Variants in ENTREP2 observed in about 807,000 individuals in gnomAD.
ENTREP2 encodes the protein protein ENTREP2.
chr15:29,498,992 G>T, the ENTREP2 span, among the ~76,000 whole-genome samples: 48 of 152,096 alleles, frequency 3.2e-4, 1 homozygote, highest in African/African-American at 1.1e-3. Context: ...GTTTCCATTT[G>T]CAAGAAGTAT....
At chr15:29,167,053 TAACATA>T in the ENTREP2 span, among the ~76,000 whole-genome samples, 3 of 151,926 alleles carry the variant, frequency 2.0e-5, no homozygotes, top group Non-Finnish European at 2.9e-5. Flanking sequence ...AAGCAAACAT[TAACATA>T]AAGTGGGGAA....
At chr15:29,321,389 C>T in the ENTREP2 span, among the ~76,000 whole-genome samples, 3 of 152,104 alleles carry the variant, frequency 2.0e-5, no homozygotes, top group Non-Finnish European at 4.4e-5. Flanking sequence ...GTGGCTCATG[C>T]CTGTAATCCC....
At chr15:29,475,270 G>T in the ENTREP2 span, among the ~76,000 whole-genome samples, 1 of 152,072 alleles carries the variant, frequency 6.6e-6, no homozygotes, top group Non-Finnish European at 1.5e-5. Context: ...CTCACAGCAG[G>T]CTGCATCTGC....
chr15:29,407,434 C>G, the ENTREP2 span, among the ~76,000 whole-genome samples: 1 of 152,106 alleles, frequency 6.6e-6, no homozygotes, highest in Non-Finnish European at 1.5e-5. Context: ...TCTCCCTCAC[C>G]ATGTATGAGC....
chr15:29,269,309 G>C, the ENTREP2 span: 9 of 1,614,116 alleles, frequency 5.6e-6, no homozygotes, highest in Non-Finnish European at 7.6e-6. Flanking sequence ...TACTGGAGGC[G>C]CTCGGCGGCC....
At chr15:29,371,349 AACACACAC>A in the ENTREP2 span, among the ~76,000 whole-genome samples, 244 of 133,982 alleles carry the variant, frequency 1.8e-3, 3 homozygotes, top group African/African-American at 5.9e-3. Context: ...CACCCCCGCA[AACACACAC>A]ACACACACAC....
the ENTREP2 span, among the ~76,000 whole-genome samples, chr15:29,631,860 C>T: frequency 7.9e-5 from 12 of 152,190 alleles, no homozygotes; most frequent in Admixed American, 4.6e-4. Context: ...AGTGGGAGTC[C>T]ACACCCCCTC....
chr15:29,324,941 C>A, the ENTREP2 span, among the ~76,000 whole-genome samples: 1 of 152,056 alleles, frequency 6.6e-6, no homozygotes, highest in African/African-American at 2.4e-5. Context: ...ACATTCTTGG[C>A]CAGAGAACAC....
the ENTREP2 span, chr15:29,252,498 A>G: frequency 6.9e-7 from 1 of 1,441,062 alleles, no homozygotes; most frequent in Non-Finnish European, 9.5e-7. Flanking sequence ...AACCAAACAT[A>G]AAATTGATTA....
At chr15:29,263,193 T>G in the ENTREP2 span, among the ~76,000 whole-genome samples, 1 of 152,064 alleles carries the variant, frequency 6.6e-6, no homozygotes, top group Non-Finnish European at 1.5e-5. Context: ...GAGAAAAATA[T>G]CAGTAAAAAT....
the ENTREP2 span, chr15:29,268,723 C>T: frequency 2.0e-6 from 3 of 1,496,646 alleles, no homozygotes; most frequent in South Asian, 2.7e-5. Flanking sequence ...TTCTCCCTTC[C>T]CCCAATCCTC....
chr15:29,602,827 A>G, the ENTREP2 span, among the ~76,000 whole-genome samples: 1 of 152,218 alleles, frequency 6.6e-6, no homozygotes, highest in African/African-American at 2.4e-5. Flanking sequence ...ATTCAGAGCT[A>G]AGTGATCTGA....
At chr15:29,331,379 C>T in the ENTREP2 span, among the ~76,000 whole-genome samples, 1 of 151,980 alleles carries the variant, frequency 6.6e-6, no homozygotes, top group East Asian at 1.9e-4. Context: ...GTCATGAAGG[C>T]CACAGTGCAA....
chr15:29,649,779 T>C, the ENTREP2 span, among the ~76,000 whole-genome samples: 5 of 112,950 alleles, frequency 4.4e-5, no homozygotes, highest in Non-Finnish European at 7.8e-5. Context: ...GAAAAGAAAA[T>C]AGAAATGCTG....
At chr15:29,569,769 C>T in the ENTREP2 span, 1 of 152,262 alleles carries the variant, frequency 6.6e-6, no homozygotes, top group African/African-American at 2.4e-5. Context: ...CCACTGGCTT[C>T]TCTGATTTGG....
the ENTREP2 span, among the ~76,000 whole-genome samples, chr15:29,412,593 C>T: frequency 1.3e-5 from 2 of 151,986 alleles, no homozygotes; most frequent in South Asian, 4.1e-4. Flanking sequence ...TAAATCTGTC[C>T]ATTACATCTG....
chr15:29,494,769 T>C, the ENTREP2 span, among the ~76,000 whole-genome samples: 1 of 152,224 alleles, frequency 6.6e-6, no homozygotes, highest in Non-Finnish European at 1.5e-5. Context: ...TATCATTCCC[T>C]GGCTTGCTTA....
the ENTREP2 span, among the ~76,000 whole-genome samples, chr15:29,148,852 T>C: frequency 2.0e-5 from 3 of 152,078 alleles, no homozygotes; most frequent in Non-Finnish European, 4.4e-5. Context: ...GCAATGTGTA[T>C]GTGGACTCCC....
the ENTREP2 span, among the ~76,000 whole-genome samples, chr15:29,501,991 A>C: frequency 6.6e-6 from 1 of 152,000 alleles, no homozygotes; most frequent in Non-Finnish European, 1.5e-5. Context: ...ATACACTGAA[A>C]ACCATAAAAC....
Sources: allele counts gnomAD v4.1 joint callset (sites outside exome capture counted in the v4.1 genomes callset), GRCh38; gene constraint gnomAD v4.1.1; transcripts MANE v1.5; gene names NCBI Gene and HGNC (gene_info 2026-07-23, HGNC 2026-07-21).